Variants in PGAP1 observed in about 807,000 individuals in gnomAD.
PGAP1 encodes post-GPI attachment to proteins inositol deacylase 1, also known as GPI inositol-deacylase.
A neutral mutation model predicts 127.0 loss-of-function variants in PGAP1; 76 were observed. That is an observed-to-expected ratio of 0.60 (90% CI 0.50 to 0.72). The LOEUF (loss-of-function observed/expected upper bound fraction) is 0.72. Among genes scored for constraint, PGAP1 ranks in the 30% least tolerant of loss-of-function variants. The pLI, the probability that PGAP1 is intolerant of heterozygous loss-of-function variation, is 0.00. For missense variants in PGAP1, 982 were observed against 1,071.3 expected (o/e 0.92, Z 1.16); for synonymous variants, 362 against 366.5 (o/e 0.99, Z 0.14).
rs1435173935 is a variant in PGAP1, at chr2:196,839,169, T to C, written c.*2065A>G. ...TTAGAATACATAAACATAATATTTA[T>C]GGCTATCAATAGAAGATCCAAATTA... On this transcript the variant is annotated 3_prime_UTR_variant, in exon 27 of 27. Coordinates refer to ENST00000354764, the MANE Select transcript of PGAP1 (RefSeq NM_024989.4). The C allele has an allele frequency of 6.6e-6, 1 of 152,666 alleles. No homozygotes were observed. The highest frequency in any genetic ancestry group is 1.5e-5 in the Non-Finnish European group (1 of 68,042). The allele number at this position is 152,666 out of a possible 1,614,324, so 9.5% of individuals were successfully genotyped here. A position where few individuals can be genotyped will look rare whatever the true frequency, so the allele number is the denominator to read the frequency against.
At chr2:196,902,418 C>CA (rs1383780927) in intron 5 of PGAP1, among the ~76,000 whole-genome samples, 167 bp downstream of exon 5, 6 of 128,482 alleles carry the variant, frequency 4.7e-5, no homozygotes, top group African/African-American at 1.3e-4. Context: ...CATTCATTTT[C>CA]TCTCTTTCTC....
chr2:196,875,231 T>C (rs1701527948), intron 14 of PGAP1, among the ~76,000 whole-genome samples: 2 of 152,108 alleles, frequency 1.3e-5, no homozygotes. Context: ...GAAAAACAAA[T>C]AAAGCCTGTA....
At chr2:196,865,608 G>A (rs912976628) in intron 19 of PGAP1, among the ~76,000 whole-genome samples, 1 of 152,122 alleles carries the variant, frequency 6.6e-6, no homozygotes, top group Non-Finnish European at 1.5e-5. Flanking sequence ...GCATATTTGT[G>A]TAAGGCATTC....
chr2:196,896,265 A>G (rs1702264940), intron 7 of PGAP1, among the ~76,000 whole-genome samples: 1 of 152,234 alleles, frequency 6.6e-6, no homozygotes, highest in African/African-American at 2.4e-5. Flanking sequence ...AAAAGTACAT[A>G]ATTTAAGTTC....
In PGAP1 at chr2:196,838,050, A is replaced by G. The variant is rs574567932; in HGVS notation, c.*3184T>C. ...ATTTCTGGCATAAAAAAGATCCAGG[A>G]AAAAAAACAGTGTTAGCAATCTCTA... On this transcript the variant is annotated 3_prime_UTR_variant, in exon 27 of 27. Transcript: ENST00000354764. The G allele has an allele frequency of 6.6e-6, 1 of 152,136 alleles. No individual in the cohort carries two copies. The highest frequency in any genetic ancestry group is 1.9e-4 in the East Asian group (1 of 5,176). 9.4% of individuals were successfully genotyped at this position (152,136 alleles called of 1,614,324 possible). A position where few individuals can be genotyped will look rare whatever the true frequency, so the allele number is the denominator to read the frequency against.
intron 10 of PGAP1, among the ~76,000 whole-genome samples, chr2:196,889,858 C>CAA (rs979436427): frequency 5.2e-4 from 23 of 43,814 alleles, no homozygotes; most frequent in East Asian, 6.6e-4. Flanking sequence ...GACTCCGTCT[C>CAA]AAAAAAAAAA....
chr2:196,892,930 C>G (rs534202402), intron 8 of PGAP1, among the ~76,000 whole-genome samples: 1 of 152,012 alleles, frequency 6.6e-6, no homozygotes, highest in Admixed American at 6.6e-5. Context: ...TTTTTACCAG[C>G]AATCTCTTAC....
chr2:196,842,713 T>C lies in PGAP1; in HGVS notation c.2630+8A>G. 6.9e-7 allele frequency: 1 copy of C among 1,442,400 alleles called. No individual in the cohort carries two copies. Among genetic ancestry groups the C allele is most frequent in the Non-Finnish European group, 9.5e-7 (1 of 1,050,930 alleles). 89.4% of individuals were successfully genotyped at this position (1,442,400 alleles called of 1,614,324 possible). A position where few individuals can be genotyped will look rare whatever the true frequency, so the allele number is the denominator to read the frequency against. ...GATATAAGAAAAAGAAAGATTAAAC[T>C]ACTGTACCTTGATTTTATTGAAACA... On this transcript the variant is annotated splice_region_variant and intron_variant, in intron 26 of 26. Transcript: ENST00000354764.
rs545939836 is a variant in PGAP1, at chr2:196,915,427, C to T, written c.477+991G>A. 4.6e-5 allele frequency among the ~76,000 whole-genome samples: 7 copies of T among 152,308 alleles called. No homozygotes were observed. The East Asian group carries it at 1.3e-3, about 29-fold the overall frequency. ...CCTGTACAGTAGCATACATGGAATG[C>T]CTAATGTGCATCTCAAACTGGATCT... On this transcript the variant is annotated intron_variant, in intron 3 of 26. Transcript: ENST00000354764.
chr2:196,887,362 C>A (rs886319359), intron 10 of PGAP1, among the ~76,000 whole-genome samples: 1 of 151,798 alleles, frequency 6.6e-6, no homozygotes, highest in Non-Finnish European at 1.5e-5. Context: ...CCAGCCTGGG[C>A]GACAGAGCGA....
chr2:196,898,884 C>A (rs1272643542), intron 5 of PGAP1, among the ~76,000 whole-genome samples: 3 of 150,816 alleles, frequency 2.0e-5, no homozygotes, highest in Non-Finnish European at 3.0e-5. Flanking sequence ...GCAAAACTAC[C>A]AAATCTGACT....
At chr2:196,880,973 T>C (rs1576146214) in intron 12 of PGAP1, among the ~76,000 whole-genome samples, 1 of 152,152 alleles carries the variant, frequency 6.6e-6, no homozygotes, top group Non-Finnish European at 1.5e-5. Flanking sequence ...ACCCAGGTAC[T>C]AAGCCTAGTT....
intron 10 of PGAP1, among the ~76,000 whole-genome samples, 196 bp downstream of exon 10, chr2:196,890,632 C>T (rs773320183): frequency 1.5e-4 from 23 of 152,020 alleles, no homozygotes; most frequent in Non-Finnish European, 2.4e-4. Flanking sequence ...ACCAAAGTTA[C>T]ACCTTAATAG....
chr2:196,888,793 G>A (rs1469727119), intron 10 of PGAP1, among the ~76,000 whole-genome samples: 1 of 152,058 alleles, frequency 6.6e-6, no homozygotes, highest in Non-Finnish European at 1.5e-5. Flanking sequence ...TATTAATTTG[G>A]TTGGATGAAA....
At chr2:196,860,876 C>CA (rs761797311) in intron 20 of PGAP1, among the ~76,000 whole-genome samples, 4 of 152,074 alleles carry the variant, frequency 2.6e-5, no homozygotes, top group African/African-American at 7.2e-5. Flanking sequence ...CTGCAAATAG[C>CA]AAAAAAAGTC....
chr2:196,855,280 C>T (rs1428863633), intron 20 of PGAP1, among the ~76,000 whole-genome samples: 2 of 142,686 alleles, frequency 1.4e-5, no homozygotes. Context: ...GAGCCTAGAT[C>T]GAGCCACTGC....
At chr2:196,889,380 A>T (rs1453048593) in intron 10 of PGAP1, among the ~76,000 whole-genome samples, 1 of 152,102 alleles carries the variant, frequency 6.6e-6, no homozygotes, top group African/African-American at 2.4e-5. Flanking sequence ...ATCTTTTTTT[A>T]AAATATTTTA....
intron 10 of PGAP1, among the ~76,000 whole-genome samples, chr2:196,887,074 G>A (rs1011741645): frequency 6.6e-6 from 1 of 152,210 alleles, no homozygotes; most frequent in Non-Finnish European, 1.5e-5. Context: ...ATGCTGCAGA[G>A]ATGATTGTGA....
chr2:196,891,767 T>A (rs1702107685), intron 9 of PGAP1, among the ~76,000 whole-genome samples: 1 of 152,082 alleles, frequency 6.6e-6, no homozygotes, highest in Admixed American at 6.5e-5. Flanking sequence ...TTAAACATCA[T>A]AATTTTTGCA....
Sources: allele counts gnomAD v4.1 joint callset (sites outside exome capture counted in the v4.1 genomes callset), GRCh38; gene constraint gnomAD v4.1.1; transcripts MANE v1.5; gene names NCBI Gene and HGNC (gene_info 2026-07-23, HGNC 2026-07-21).